Variants in GPAM observed in about 807,000 individuals in gnomAD.
GPAM encodes the protein glycerol-3-phosphate acyltransferase, mitochondrial.
Under a neutral mutation model 105.0 loss-of-function variants are expected in GPAM, and 56 were observed. The observed-to-expected ratio is 0.53, with a 90% CI of 0.43 to 0.67. The LOEUF (loss-of-function observed/expected upper bound fraction) is 0.67, where lower values mean the gene tolerates loss of function less well. Ranked by LOEUF, GPAM falls within the 30% of genes least tolerant of loss-of-function variation. GPAM has a pLI of 0.00. For missense variants in GPAM, 855 were observed against 989.8 expected (o/e 0.86, Z 1.83); for synonymous variants, 368 against 354.4 (o/e 1.04, Z -0.43).
rs1157534874 is a variant in GPAM at position 112,183,711 on chromosome 10, G to C, written c.-146C>G. On this transcript the variant is annotated 5_prime_UTR_variant, in exon 1 of 22. Coordinates refer to ENST00000348367, the MANE Select transcript of GPAM (RefSeq NM_001244949.2). ...TTCGCACCCTAGCAGCTCCAGCTTC[G>C]GCTGCTGCAGAAGCCCGCACTTCCA... The C allele has an allele frequency of 6.6e-6, 1 of 152,450 alleles. No individual in the cohort carries two copies. The highest frequency in any genetic ancestry group is 1.5e-5 in the Non-Finnish European group (1 of 68,198). 9.4% of individuals were successfully genotyped at this position (152,450 alleles called of 1,614,324 possible).
At chr10:112,210,973 C>T (rs1847904475) in intron 1 of GPAM, among the ~76,000 whole-genome samples, 1 of 152,214 alleles carries the variant, frequency 6.6e-6, no homozygotes, top group African/African-American at 2.4e-5. Flanking sequence ...CAGAATCTCA[C>T]CATCCAAAGA....
At chr10:112,159,135 T>C (rs1480084787) in intron 17 of GPAM, among the ~76,000 whole-genome samples, 1 of 152,042 alleles carries the variant, frequency 6.6e-6, no homozygotes, top group Non-Finnish European at 1.5e-5. Context: ...AGTGTTTGGG[T>C]ATATAATATA....
Position 112,168,554 on chromosome 10 carries a change from A to G in GPAM, c.895-30T>C, listed in dbSNP as rs76178799. 1.7e-4 allele frequency: 238 copies of G among 1,371,698 alleles called. No homozygotes were observed. In the African/African-American group the frequency reaches 3.2e-3, roughly 19 times the overall value. The allele number at this position is 1,371,698 out of a possible 1,614,324, so 85.0% of individuals were successfully genotyped here. Reference sequence around the variant, plus strand: ...GATATAAGAAGAAAGTAAAACATACATTCAAGACCACTCAACTTAGAATGA... The same window carrying G: ...GATATAAGAAGAAAGTAAAACATACGTTCAAGACCACTCAACTTAGAATGA... On this transcript the variant is annotated intron_variant, in intron 10 of 21. Transcript: ENST00000348367.
chr10:112,152,586 G>C lies in GPAM; in HGVS notation c.*964C>G, dbSNP rs1846939095. Reference sequence around the variant, plus strand: ...TGTGCAGTACAGAAAGCCCTCATCAGCTGTGGCCAGAGAACTGTATTCTAA... The same window carrying C: ...TGTGCAGTACAGAAAGCCCTCATCACCTGTGGCCAGAGAACTGTATTCTAA... On this transcript the variant is annotated 3_prime_UTR_variant, in exon 22 of 22. Coordinates refer to ENST00000348367, the MANE Select transcript of GPAM (RefSeq NM_001244949.2). 5 of 985,446 alleles carry C rather than the reference G, an allele frequency of 5.1e-6. No individual in the cohort carries two copies. The South Asian group carries it at 2.3e-4, about 46-fold the overall frequency. The allele number at this position is 985,446 out of a possible 1,614,324, so 61.0% of individuals were successfully genotyped here.
chr10:112,150,832 C>T lies in GPAM; in HGVS notation c.*2718G>A. 6 of 984,434 alleles carry T rather than the reference C, an allele frequency of 6.1e-6. No individual in the cohort carries two copies. The highest frequency in any genetic ancestry group is 4.7e-5 in the South Asian group (1 of 21,256). 61.0% of individuals were successfully genotyped at this position (984,434 alleles called of 1,614,324 possible). A position where few individuals can be genotyped will look rare whatever the true frequency, so the allele number is the denominator to read the frequency against. ...ATTACATGGAGTGCTATGGGAAATGCTTTTCCCCATCCAGGTTACTGGCAA... is the reference window on the plus strand; with the variant it reads ...ATTACATGGAGTGCTATGGGAAATGTTTTTCCCCATCCAGGTTACTGGCAA... On this transcript the variant is annotated 3_prime_UTR_variant, in exon 22 of 22. Transcript: ENST00000348367.
Position 112,168,513 on chromosome 10 carries a change from T to C in GPAM, c.906A>G (p.Glu302=). The C allele has an allele frequency of 6.3e-7, 1 of 1,599,414 alleles. No homozygotes were observed. The highest frequency in any genetic ancestry group is 8.6e-7 in the Non-Finnish European group (1 of 1,166,594). ...YRALLHGHIV[E]LLRQQQFLEI... is the part of the protein sequence containing the mutation. ...CCAAGAATTGCTGCTGTCGAAGTAA[T>C]TCAACTATATGCTGGGATATAAGAA... The change falls in exon 11 of 22, where the codon GAA becomes GAG. Residue 302 remains glutamate (E), a synonymous_variant. Coordinates refer to ENST00000348367, the MANE Select transcript of GPAM (RefSeq NM_001244949.2).
chr10:112,178,114 G>T, intron 4 of GPAM, 57 bp from the exon 5 acceptor site: 1 of 869,214 alleles, frequency 1.2e-6, no homozygotes, highest in Non-Finnish European at 2.0e-6. Context: ...ACGGTGAAGA[G>T]CTCTCATTAT....
At chr10:112,208,161 C>T (rs769343190) in intron 1 of GPAM, among the ~76,000 whole-genome samples, 9 of 152,152 alleles carry the variant, frequency 5.9e-5, no homozygotes, top group African/African-American at 1.2e-4. Flanking sequence ...GATGCCCCAA[C>T]AGAAGCACGT....
upstream of GPAM, among the ~76,000 whole-genome samples, chr10:112,187,601 C>T (rs1471963398): frequency 6.6e-6 from 1 of 152,062 alleles, no homozygotes; most frequent in African/African-American, 2.4e-5. Flanking sequence ...TAAAAATCTA[C>T]AATTGTAGTC....
In GPAM at chr10:112,163,749, A is replaced by T; in HGVS notation, c.1375T>A (p.Ser459Thr). Reference sequence around the variant, plus strand: ...TTTGCAATCAACCTCCTTCGTAGGGATTCATCTGTTGCATTTCTGGACTCA... The same window carrying T: ...TTTGCAATCAACCTCCTTCGTAGGGTTTCATCTGTTGCATTTCTGGACTCA... ...INESRNATDE[S>T]LRRRLIANLA... Residue 459 changes from serine (S) to threonine (T), a missense_variant, in exon 14 of 22, where the codon TCC (serine) becomes ACC (threonine). Transcript: ENST00000348367. 6.2e-7 allele frequency: 1 copy of T among 1,603,668 alleles called. No homozygotes were observed. Among genetic ancestry groups the T allele is most frequent in the Non-Finnish European group, 8.5e-7 (1 of 1,170,502 alleles).
intron 1 of GPAM, among the ~76,000 whole-genome samples, chr10:112,213,450 T>G (rs1847934856): frequency 6.6e-6 from 1 of 152,130 alleles, no homozygotes; most frequent in Non-Finnish European, 1.5e-5. Flanking sequence ...TTAGCCATTA[T>G]CACAAGAAAG....
upstream of GPAM, chr10:112,183,775 A>G (rs1275330825): frequency 2.0e-5 from 3 of 152,114 alleles, no homozygotes; most frequent in African/African-American, 7.2e-5. Context: ...CACCCTGATG[A>G]CGCAACCGGC....
At chr10:112,190,954 C>T (rs949583111) in intron 1 of GPAM, among the ~76,000 whole-genome samples, 18 of 152,152 alleles carry the variant, frequency 1.2e-4, no homozygotes, top group Non-Finnish European at 1.5e-5. Flanking sequence ...TTTCTTCTTA[C>T]ATACACACTT....
the GPAM span, among the ~76,000 whole-genome samples, chr10:112,222,967 C>G: frequency 2.0e-5 from 3 of 152,116 alleles, no homozygotes; most frequent in Non-Finnish European, 4.4e-5. Context: ...CCTGTTGACT[C>G]CACCATGCCA....
chr10:112,175,131 C>G (rs1055009512), intron 6 of GPAM, among the ~76,000 whole-genome samples: 1 of 152,106 alleles, frequency 6.6e-6, no homozygotes, highest in Non-Finnish European at 1.5e-5. Context: ...TAAGCAAGCT[C>G]CTGTAAGAGC....
intron 1 of GPAM, among the ~76,000 whole-genome samples, chr10:112,194,564 T>A (rs1379930256): frequency 6.6e-6 from 1 of 152,204 alleles, no homozygotes; most frequent in Non-Finnish European, 1.5e-5. Flanking sequence ...CTGGCTGGAA[T>A]GATATGAAAA....
intron 1 of GPAM, among the ~76,000 whole-genome samples, chr10:112,206,833 T>TAAA (rs57906877): frequency 1.4e-5 from 2 of 140,218 alleles, no homozygotes; most frequent in African/African-American, 5.1e-5. Flanking sequence ...AAAAAAAATT[T>TAAA]AAAAAAAAAA....
chr10:112,213,678 T>C (rs1214321047), intron 1 of GPAM, among the ~76,000 whole-genome samples: 3 of 152,152 alleles, frequency 2.0e-5, no homozygotes, highest in Non-Finnish European at 4.4e-5. Context: ...ACCTGACTAA[T>C]CTCCTGACTT....
At chr10:112,165,703 T>C (rs1477521877) in intron 12 of GPAM, among the ~76,000 whole-genome samples, 2 of 152,000 alleles carry the variant, frequency 1.3e-5, no homozygotes, top group Admixed American at 6.6e-5. Flanking sequence ...AAAAAAAAAG[T>C]TACCCAGCTT....
Sources: allele counts gnomAD v4.1 joint callset (sites outside exome capture counted in the v4.1 genomes callset), GRCh38; gene constraint gnomAD v4.1.1; transcripts MANE v1.5; gene names NCBI Gene and HGNC (gene_info 2026-07-23, HGNC 2026-07-21).